The following DLC1 variants were observed in gnomAD, a reference collection of about 807,000 sequenced individuals.
DLC1 encodes the protein DLC1 Rho GTPase activating protein.
In DLC1, 54 loss-of-function variants were observed where a neutral mutation model predicts 140.3. That is an observed-to-expected ratio of 0.38 (90% CI 0.31 to 0.48). The LOEUF is 0.48. Among genes scored for constraint, DLC1 ranks in the 20% least tolerant of loss-of-function variants. DLC1 has a pLI of 0.96. For synonymous variants in DLC1, 986 were observed against 728.1 expected, an observed-to-expected ratio of 1.35 and a Z score of -5.70; for missense variants, 2,536 against 1,907.0, an observed-to-expected ratio of 1.33 and a Z score of -6.14.
chr8:13,441,864 C>A, intron 2 of DLC1, among the ~76,000 whole-genome samples: 1 of 152,042 alleles, frequency 6.6e-6, no homozygotes, highest in South Asian at 2.1e-4. Context: ...AACTAAAGTT[C>A]ATATGGAACC....
intron 5 of DLC1, chr8:13,304,932 C>A (rs1586101779): frequency 4.9e-6 from 5 of 1,010,864 alleles, no homozygotes; most frequent in Non-Finnish European, 5.9e-6. Context: ...TAAAAATAAA[C>A]CTTGGTAATT....
chr8:13,290,866 T>G (rs981854439), intron 5 of DLC1, among the ~76,000 whole-genome samples: 1 of 152,180 alleles, frequency 6.6e-6, no homozygotes, highest in African/African-American at 2.4e-5. Context: ...TGGAATGAGA[T>G]GCGTAGCTTG....
chr8:13,338,620 C>G (rs1833901912), intron 4 of DLC1: 1 of 152,156 alleles, frequency 6.6e-6, no homozygotes, highest in Non-Finnish European at 1.5e-5. Flanking sequence ...TGATCCCTGA[C>G]TCTGAGAAGT....
rs778690040 is a variant in DLC1 at position 13,090,358 on chromosome 8, T to A, written c.3968A>T (p.His1323Leu). Residue 1323 changes from histidine (H) to leucine (L), a missense_variant, in exon 15 of 18, where the codon CAC (histidine) becomes CTC (leucine). Transcript: ENST00000276297. Reference sequence around the variant, plus strand: ...GCCATCCACACAGTCCTGGAGGAAGTGTTGGTAGTCAGCTGAGTCATCATT... The same window carrying A: ...GCCATCCACACAGTCCTGGAGGAAGAGTTGGTAGTCAGCTGAGTCATCATT... ...LGNDDSADYQHFLQDCVDGLF... is the reference protein window; with the variant it reads ...LGNDDSADYQLFLQDCVDGLF... 2.6e-4 allele frequency: 412 copies of A among 1,614,150 alleles called. 4 individuals carry two copies. The highest frequency in any genetic ancestry group is 2.5e-3 in the South Asian group (231 of 91,084).
At chr8:13,175,234 A>T (rs1303936269) in intron 5 of DLC1, among the ~76,000 whole-genome samples, 1 of 150,102 alleles carries the variant, frequency 6.7e-6, no homozygotes, top group Non-Finnish European at 1.5e-5. Flanking sequence ...TTTTTGCACC[A>T]GTACCATGTG....
chr8:13,116,941 A>C (rs1820603294), intron 5 of DLC1, among the ~76,000 whole-genome samples: 1 of 152,222 alleles, frequency 6.6e-6, no homozygotes, highest in Non-Finnish European at 1.5e-5. Flanking sequence ...CTTAGGACCG[A>C]AATGGGAGCG....
intron 1 of DLC1, among the ~76,000 whole-genome samples, chr8:13,601,551 G>C (rs953355108): frequency 6.6e-6 from 1 of 151,266 alleles, no homozygotes; most frequent in Non-Finnish European, 1.5e-5. Flanking sequence ...GAAAGCACTT[G>C]TTAGAGTAAT....
chr8:13,360,835 A>G (rs765497416), intron 4 of DLC1, among the ~76,000 whole-genome samples: 2 of 152,048 alleles, frequency 1.3e-5, no homozygotes, highest in African/African-American at 2.4e-5. Flanking sequence ...CCTTCTTTCA[A>G]TGCTAATTGT....
At chr8:13,188,438 A>AAAAAAAG (rs1826515687) in intron 5 of DLC1, among the ~76,000 whole-genome samples, 1 of 149,420 alleles carries the variant, frequency 6.7e-6, no homozygotes, top group Non-Finnish European at 1.5e-5. Flanking sequence ...AAAAAAAAAA[A>AAAAAAAG]AAAGAAAAGT....
chr8:13,154,078 G>C (rs142526727), intron 5 of DLC1, among the ~76,000 whole-genome samples: 2 of 152,176 alleles, frequency 1.3e-5, no homozygotes, highest in African/African-American at 2.4e-5. Flanking sequence ...TACAAACCCT[G>C]AGCTAGACTC....
intron 5 of DLC1, among the ~76,000 whole-genome samples, chr8:13,173,324 G>T (rs1489247191): frequency 6.7e-6 from 1 of 149,348 alleles, no homozygotes; most frequent in South Asian, 2.1e-4. Flanking sequence ...AACTTTTGAT[G>T]CTTCTATGGA....
At chr8:13,556,581 A>C (rs1404831089) in intron 1 of DLC1, among the ~76,000 whole-genome samples, 2 of 152,194 alleles carry the variant, frequency 1.3e-5, no homozygotes, top group African/African-American at 2.4e-5. Flanking sequence ...GATTCTGGGC[A>C]GAGGTCATAA....
At chr8:13,524,802 G>T (rs1274793228) in intron 1 of DLC1, among the ~76,000 whole-genome samples, 2 of 151,082 alleles carry the variant, frequency 1.3e-5, no homozygotes, top group African/African-American at 4.9e-5. Flanking sequence ...GTTGCTTTTG[G>T]CATTTCTCTT....
chr8:13,199,565 C>G (rs1773973473), intron 5 of DLC1, among the ~76,000 whole-genome samples: 2 of 152,126 alleles, frequency 1.3e-5, no homozygotes, highest in African/African-American at 2.4e-5. Context: ...TTAGTGTTCC[C>G]TTCTGTCTAT....
In DLC1 at chr8:13,090,465, G is replaced by T. The variant is rs771556863; in HGVS notation, c.3861C>A (p.Pro1287=). 3 of 1,613,792 alleles carry T rather than the reference G, an allele frequency of 1.9e-6. No individual in the cohort carries two copies. The South Asian group carries it at 3.3e-5, about 18-fold the overall frequency. ...IAECKKLFQV[P]EEMSRCRNSY... ...AATTACGACATCGGCTCATTTCCTC[G>T]GGAACCTGTGCGGAACATGACAGAC... The change falls in exon 15 of 18, where the codon CCC becomes CCA. Residue 1287 remains proline, a synonymous_variant. Transcript: ENST00000276297.
chr8:13,475,328 C>G (rs2410057), intron 2 of DLC1, among the ~76,000 whole-genome samples: 70,969 of 151,996 alleles, frequency 0.47, 17,263 homozygotes, highest in East Asian at 0.55. Flanking sequence ...AAAATCTTTA[C>G]TTTGAAGAAA....
intron 5 of DLC1, among the ~76,000 whole-genome samples, chr8:13,148,226 T>G (rs1290506135): frequency 6.6e-6 from 1 of 152,154 alleles, no homozygotes; most frequent in African/African-American, 2.4e-5. Flanking sequence ...GATTATTTCA[T>G]CACCCAGGAA....
intron 1 of DLC1, among the ~76,000 whole-genome samples, chr8:13,590,412 A>G (rs1805479578): frequency 6.6e-6 from 1 of 152,088 alleles, no homozygotes; most frequent in African/African-American, 2.4e-5. Flanking sequence ...GTGGTCATAT[A>G]TGCAGAAATC....
chr8:13,381,129 G>A (rs1421835659), intron 4 of DLC1, among the ~76,000 whole-genome samples: 2 of 152,150 alleles, frequency 1.3e-5, no homozygotes, highest in African/African-American at 2.4e-5. Context: ...AGCCAGAGGA[G>A]GTGTGGCTGT....
Sources: gnomAD v4.1 joint callset for allele counts (sites outside exome capture counted in the v4.1 genomes callset) on GRCh38, gnomAD v4.1.1 for gene constraint, MANE v1.5 for transcripts, NCBI Gene and HGNC (gene_info 2026-07-23, HGNC 2026-07-21) for gene names.